Variants in CCDC88C observed in about 807,000 individuals in gnomAD.
CCDC88C encodes protein Daple.
Under a neutral mutation model 198.8 loss-of-function variants are expected in CCDC88C, and 131 were observed. The observed-to-expected ratio is 0.66, with a 90% CI of 0.57 to 0.76. CCDC88C has a LOEUF of 0.76. CCDC88C is among the 30% of genes least tolerant of loss of function. The probability of loss-of-function intolerance (pLI) is 0.00; values close to 1 mark genes in which losing one functional copy is unlikely to be tolerated. For synonymous variants in CCDC88C, 1,166 were observed against 1,114.7 expected (o/e 1.05, Z -0.92); for missense variants, 2,553 against 2,631.6 (o/e 0.97, Z 0.65).
intron 22 of CCDC88C, among the ~76,000 whole-genome samples, chr14:91,294,979 CTAGAGTA>C: frequency 6.6e-6 from 1 of 152,270 alleles, no homozygotes; most frequent in East Asian, 1.9e-4. Flanking sequence ...AACTTCTGTT[CTAGAGTA>C]TGATTGGGGT....
Position 91,273,136 on chromosome 14 carries a change from T to C in CCDC88C, c.5576A>G (p.Glu1859Gly). 1 of 1,577,908 alleles carries C rather than the reference T, an allele frequency of 6.3e-7. No homozygotes were observed. The highest frequency in any genetic ancestry group is 1.7e-4 in the Middle Eastern group (1 of 5,944). ...AGCCTTTCCCACAAGTGGGGTCCGC[T>C]CCCGGGCCAGGCTATGGGAGCTGGG... ...APPSSHSLAR[E>G]RTPLVGKAGS... The change falls in exon 30 of 30, where the codon GAG (glutamate) becomes GGG (glycine). Residue 1859 changes from glutamate to glycine, a missense_variant. Transcript: ENST00000389857. The surrounding 1 kb of genome is among the most constrained non-coding windows in gnomAD (Gnocchi z 5.6).
At chr14:91,344,728 T>G in intron 4 of CCDC88C, among the ~76,000 whole-genome samples, 1 of 151,602 alleles carries the variant, frequency 6.6e-6, no homozygotes. Context: ...CTCAATCTCC[T>G]GACCTCGTGA....
intron 3 of CCDC88C, among the ~76,000 whole-genome samples, chr14:91,386,066 G>T (rs531055226): frequency 7.6e-4 from 115 of 152,242 alleles, no homozygotes; most frequent in Admixed American, 1.2e-3. Context: ...GTAAAATGGG[G>T]ACAATACTTC....
intron 3 of CCDC88C, among the ~76,000 whole-genome samples, chr14:91,399,982 G>T (rs527895389): frequency 3.3e-5 from 5 of 151,754 alleles, no homozygotes; most frequent in African/African-American, 1.2e-4. Flanking sequence ...TGCAGGTGCC[G>T]CTCTTCCCCA....
chr14:91,347,974 C>T lies in CCDC88C; in HGVS notation c.341-4317G>A, dbSNP rs527636894. Among the ~76,000 whole-genome samples the T allele has an allele frequency of 3.9e-5, 6 of 152,260 alleles. No individual in the cohort carries two copies. The East Asian group carries it at 1.2e-3, about 29-fold the overall frequency. ...CATAGACTGGATAAAGAAAATGTGG[C>T]ACATATACACCATGGAATACTATGC... On this transcript the variant is annotated intron_variant, in intron 4 of 29. Coordinates refer to ENST00000389857, the MANE Select transcript of CCDC88C (RefSeq NM_001080414.4).
intron 22 of CCDC88C, among the ~76,000 whole-genome samples, chr14:91,294,926 G>A (rs1306942567): frequency 6.6e-6 from 1 of 152,200 alleles, no homozygotes; most frequent in Non-Finnish European, 1.5e-5. Context: ...CCAAAGTGCT[G>A]GGATTACAGG....
At chr14:91,285,585 C>T (rs1439772293) in intron 25 of CCDC88C, 2 of 1,217,452 alleles carry the variant, frequency 1.6e-6, no homozygotes, top group Non-Finnish European at 2.1e-6. Context: ...GCCATCTGGC[C>T]TTTTAGACGC....
chr14:91,386,217 G>C lies in CCDC88C; in HGVS notation c.270+22442C>G, dbSNP rs569092940. Reference sequence around the variant, plus strand: ...CCAGCACTTTGGGAGGCCGAGGTGGGTGGATCACTTGAGGACAGGAGTTCG... The same window carrying C: ...CCAGCACTTTGGGAGGCCGAGGTGGCTGGATCACTTGAGGACAGGAGTTCG... On this transcript the variant is annotated intron_variant, in intron 3 of 29. Transcript: ENST00000389857. 4.5e-4 allele frequency among the ~76,000 whole-genome samples: 68 copies of C among 151,058 alleles called. 1 individual carries two copies. The East Asian group carries it at 0.012, about 26-fold the overall frequency.
intron 3 of CCDC88C, among the ~76,000 whole-genome samples, chr14:91,404,780 G>A (rs1567125893): frequency 6.6e-6 from 1 of 151,996 alleles, no homozygotes; most frequent in Admixed American, 6.6e-5. Flanking sequence ...TGGCTAACAC[G>A]GTGAAAACCC....
chr14:91,272,956 C>CCAG lies in CCDC88C; in HGVS notation c.5753_5755dup (p.Ala1918dup), dbSNP rs769471373. The CCAG allele has an allele frequency of 1.1e-5, 17 of 1,558,326 alleles. No homozygotes were observed. Among genetic ancestry groups the CCAG allele is most frequent in the Admixed American group, 1.9e-5 (1 of 52,834 alleles). ...CAGGAGCTGGGAGTTGCTGCCACTG[C>CCAG]CAGCAGCAGCAGCACCAGCACCTGC... is the stretch of plus-strand genomic sequence containing the variant. On this transcript the variant is annotated inframe_insertion, in exon 30 of 30. Transcript: ENST00000389857.
chr14:91,287,634 G>A (rs1293358775), intron 25 of CCDC88C, among the ~76,000 whole-genome samples: 1 of 133,410 alleles, frequency 7.5e-6, no homozygotes, highest in African/African-American at 3.0e-5. Flanking sequence ...ACTGCACCAG[G>A]TCTTTTTTTT....
In CCDC88C at chr14:91,318,616, G is replaced by T. The variant is rs114944558; in HGVS notation, c.1527+2504C>A. Among the ~76,000 whole-genome samples the T allele has an allele frequency of 5.8e-3, 882 of 152,234 alleles. 10 individuals carry two copies. The highest frequency in any genetic ancestry group is 0.02 in the African/African-American group (823 of 41,534). Reference sequence around the variant, plus strand: ...ACTCAAGGGACCAGTTCCCAGGAGTGGGGGACCTGTTCCCAGCCTCAGAGA... The same window carrying T: ...ACTCAAGGGACCAGTTCCCAGGAGTTGGGGACCTGTTCCCAGCCTCAGAGA... On this transcript the variant is annotated intron_variant, in intron 13 of 29. Transcript: ENST00000389857.
At chr14:91,355,023 C>T (rs1893980334) in intron 4 of CCDC88C, among the ~76,000 whole-genome samples, 2 of 152,310 alleles carry the variant, frequency 1.3e-5, no homozygotes, top group South Asian at 2.1e-4. Context: ...GCAGAGGGAC[C>T]GGCAGGTGCA....
rs1891452120 is a variant in CCDC88C, at chr14:91,303,971, T to A, written c.3365A>T (p.Asn1122Ile). The A allele has an allele frequency of 6.3e-7, 1 of 1,599,076 alleles. No individual in the cohort carries two copies. Among genetic ancestry groups the A allele is most frequent in the South Asian group, 1.1e-5 (1 of 90,976 alleles). Residue 1122 changes from asparagine (N) to isoleucine (I), a missense_variant, in exon 20 of 30, where the codon AAC (asparagine) becomes ATC (isoleucine). Physicochemically the swap from Asn to Ile is moderately radical, Grantham distance 149. Coordinates refer to ENST00000389857, the MANE Select transcript of CCDC88C (RefSeq NM_001080414.4). The stretch of plus-strand genomic sequence containing the variant: ...TGCGCTCTGGGAACTCAGCGTGGAG[T>A]TCTCCACCTGCCGAGAGGGAGAAGC... ...QTQTAKLQVE[N>I]STLSSQSAAL...
intron 13 of CCDC88C, 93 bp from the exon 14 acceptor site, chr14:91,315,880 C>T (rs1892071100): frequency 7.6e-7 from 1 of 1,310,688 alleles, no homozygotes; most frequent in Non-Finnish European, 1.1e-6. Context: ...CAACAGAATG[C>T]ACTGATGGGT....
intron 3 of CCDC88C, among the ~76,000 whole-genome samples, chr14:91,363,280 C>CTTTTTTTTTT (rs1006691437): frequency 6.9e-6 from 1 of 145,890 alleles, no homozygotes; most frequent in African/African-American, 2.5e-5. Context: ...TATTATTTTA[C>CTTTTTTTTTT]TTTTTTTTTT....
At chr14:91,275,232 G>A (rs147636443) in intron 29 of CCDC88C, among the ~76,000 whole-genome samples, 1 of 152,170 alleles carries the variant, frequency 6.6e-6, no homozygotes, top group Non-Finnish European at 1.5e-5. Context: ...AGACTGTTTT[G>A]GTCTCATTTA....
intron 2 of CCDC88C, among the ~76,000 whole-genome samples, chr14:91,409,837 T>C (rs1183697948): frequency 6.6e-6 from 1 of 152,166 alleles, no homozygotes; most frequent in African/African-American, 2.4e-5. Context: ...AATGTTCCAT[T>C]AAACACAGGT....
rs111370958 is a variant in CCDC88C, at chr14:91,275,498, G to A, written c.5059-1845C>T. On this transcript the variant is annotated intron_variant, in intron 29 of 29. Transcript: ENST00000389857. ...AGCAGTTCTTTTTTTTTTTTTTGGA[G>A]ACAGAGTCTCACTGTGTTGCCCAGG... Among the ~76,000 whole-genome samples the A allele has an allele frequency of 2.2e-3, 335 of 149,926 alleles. 2 individuals are homozygous for A. The highest frequency in any genetic ancestry group is 8.0e-3 in the African/African-American group (326 of 40,714).
Sources: allele counts gnomAD v4.1 joint callset (sites outside exome capture counted in the v4.1 genomes callset), GRCh38; gene constraint gnomAD v4.1.1; non-coding constraint Gnocchi (gnomAD v3.1); transcripts MANE v1.5; gene names NCBI Gene and HGNC (gene_info 2026-07-23, HGNC 2026-07-21).